Variants in LEF1 observed in about 807,000 individuals in gnomAD.
LEF1 encodes lymphoid enhancer-binding factor 1.
LEF1 carries 14 observed loss-of-function variants against 51.2 expected under a neutral mutation model. The ratio of observed to expected loss-of-function variants is 0.27; its 90% CI spans 0.18 to 0.43. The LOEUF (loss-of-function observed/expected upper bound fraction) is 0.43. Among genes scored for constraint, LEF1 ranks in the 20% least tolerant of loss-of-function variants. LEF1 has a pLI of 1.00. For synonymous variants in LEF1, 185 were observed against 183.2 expected (o/e 1.01, Z -0.08); for missense variants, 386 against 512.0 (o/e 0.75, Z 2.37).
chr4:108,144,672 A>C (rs567500669), intron 3 of LEF1, among the ~76,000 whole-genome samples: 1 of 152,100 alleles, frequency 6.6e-6, no homozygotes, highest in African/African-American at 2.4e-5. Context: ...CAGCTGCTGG[A>C]GGGCAGGGCC....
At chr4:108,147,203 C>A (rs1744049900) in intron 3 of LEF1, among the ~76,000 whole-genome samples, 1 of 152,056 alleles carries the variant, frequency 6.6e-6, no homozygotes, top group East Asian at 1.9e-4. Context: ...CAATGACTTG[C>A]CTAACTCCAT....
chr4:108,056,831 A>G (rs1325126533), intron 11 of LEF1, among the ~76,000 whole-genome samples: 1 of 150,136 alleles, frequency 6.7e-6, no homozygotes, highest in Non-Finnish European at 1.5e-5. Flanking sequence ...GCACGCCAGC[A>G]GTCGCTTCCA....
intron 5 of LEF1, among the ~76,000 whole-genome samples, chr4:108,082,830 G>A (rs1233625834): frequency 1.3e-5 from 2 of 152,024 alleles, no homozygotes; most frequent in African/African-American, 4.8e-5. Flanking sequence ...CAGAAAAAAA[G>A]AAGGCCCCCA....
chr4:108,105,269 C>T (rs1040430110), intron 3 of LEF1, among the ~76,000 whole-genome samples: 3 of 151,664 alleles, frequency 2.0e-5, no homozygotes, highest in East Asian at 1.9e-4. Flanking sequence ...CAACCTCTGC[C>T]TCCCGGGTTC....
chr4:108,090,073 C>T (rs1033144931), intron 3 of LEF1, among the ~76,000 whole-genome samples: 2 of 151,994 alleles, frequency 1.3e-5, no homozygotes, highest in Non-Finnish European at 2.9e-5. Context: ...CTCCACCTTC[C>T]GGGTTCAAGT....
intron 3 of LEF1, among the ~76,000 whole-genome samples, chr4:108,163,275 G>C (rs982226710): frequency 6.6e-6 from 1 of 152,142 alleles, no homozygotes; most frequent in African/African-American, 2.4e-5. Flanking sequence ...AGCATAGAAT[G>C]CACAATACTC....
At chr4:108,073,678 AAAC>A (rs1738643775) in intron 8 of LEF1, among the ~76,000 whole-genome samples, 1 of 152,174 alleles carries the variant, frequency 6.6e-6, no homozygotes. Flanking sequence ...TCTTCTACCC[AAAC>A]AACGAGGTAT....
At chr4:108,093,001 T>C (rs2110276655) in intron 3 of LEF1, among the ~76,000 whole-genome samples, 1 of 147,028 alleles carries the variant, frequency 6.8e-6, no homozygotes, top group South Asian at 2.2e-4. Flanking sequence ...AAAATGAACC[T>C]GGTGATAGGA....
chr4:108,164,765 T>C (rs1391180185), intron 2 of LEF1, among the ~76,000 whole-genome samples: 1 of 152,140 alleles, frequency 6.6e-6, no homozygotes, highest in Non-Finnish European at 1.5e-5. Flanking sequence ...TTCTTCTTAA[T>C]AATATATTAA....
At chr4:108,069,492 T>C (rs2107029) in intron 9 of LEF1, among the ~76,000 whole-genome samples, 128,735 of 152,188 alleles carry the variant, frequency 0.85, 55,600 homozygotes, top group East Asian at 0.97. Flanking sequence ...TTAAACATGA[T>C]ATACCTACAC....
At chr4:108,113,671 A>G (rs1209586088) in intron 3 of LEF1, among the ~76,000 whole-genome samples, 2 of 152,174 alleles carry the variant, frequency 1.3e-5, no homozygotes, top group Non-Finnish European at 2.9e-5. Flanking sequence ...CACTCCTTCA[A>G]ATGGGAGGAT....
intron 4 of LEF1, among the ~76,000 whole-genome samples, chr4:108,088,713 A>T (rs1354099383): frequency 6.6e-6 from 1 of 152,232 alleles, no homozygotes; most frequent in Non-Finnish European, 1.5e-5. Context: ...CCATAGGGAT[A>T]TAATGGAATA....
At chr4:108,135,079 T>G (rs1191105364) in intron 3 of LEF1, among the ~76,000 whole-genome samples, 1 of 152,132 alleles carries the variant, frequency 6.6e-6, no homozygotes, top group African/African-American at 2.4e-5. Context: ...AATAAAACAT[T>G]GCAAGTTGAT....
At chr4:108,102,323 G>A (rs1454516114) in intron 3 of LEF1, among the ~76,000 whole-genome samples, 1 of 152,080 alleles carries the variant, frequency 6.6e-6, no homozygotes, top group Admixed American at 6.5e-5. Flanking sequence ...TTCTTCCAGC[G>A]TAGGGACCTG....
intron 3 of LEF1, 75 bp from the exon 4 acceptor site, chr4:108,089,332 A>T: frequency 2.0e-6 from 3 of 1,497,074 alleles, no homozygotes; most frequent in Non-Finnish European, 1.8e-6. Flanking sequence ...AAAAAAATTC[A>T]CACAGCAGCA....
At chr4:108,159,379 T>C (rs1215217396) in intron 3 of LEF1, among the ~76,000 whole-genome samples, 1 of 152,230 alleles carries the variant, frequency 6.6e-6, no homozygotes, top group Non-Finnish European at 1.5e-5. Flanking sequence ...AAACTCAATG[T>C]GTTTAGCTTC....
chr4:108,149,473 AAAAT>A (rs1237720972), intron 3 of LEF1, among the ~76,000 whole-genome samples: 1 of 148,814 alleles, frequency 6.7e-6, no homozygotes, highest in Non-Finnish European at 1.5e-5. Context: ...AAAAAAAAAA[AAAAT>A]AGATTATAAA....
chr4:108,136,664 T>C (rs1428559413), intron 3 of LEF1, among the ~76,000 whole-genome samples: 2 of 152,130 alleles, frequency 1.3e-5, no homozygotes, highest in Non-Finnish European at 2.9e-5. Flanking sequence ...TTGTAATTCT[T>C]ACGGTGACTG....
intron 3 of LEF1, among the ~76,000 whole-genome samples, chr4:108,142,970 A>C (rs1743767037): frequency 6.6e-6 from 1 of 152,236 alleles, no homozygotes; most frequent in Non-Finnish European, 1.5e-5. Flanking sequence ...AACTTTTCCA[A>C]GTCTACAAAG....
Sources: gnomAD v4.1 joint callset for allele counts (sites outside exome capture counted in the v4.1 genomes callset) on GRCh38, gnomAD v4.1.1 for gene constraint, MANE v1.5 for transcripts, NCBI Gene and HGNC (gene_info 2026-07-23, HGNC 2026-07-21) for gene names.